ACSL4: variants seen among roughly 807,000 people sequenced by gnomAD.
ACSL4 encodes long-chain-fatty-acid--CoA ligase 4.
A neutral mutation model predicts 49.1 loss-of-function variants in ACSL4; 9 were observed. The observed-to-expected ratio is 0.18, with a 90% CI of 0.11 to 0.32. The LOEUF is 0.32. ACSL4 is among the 10% of genes least tolerant of loss of function. The pLI is 1.00. For missense variants in ACSL4, 333 were observed against 493.7 expected (o/e 0.67, Z 3.08); for synonymous variants, 191 against 170.3 (o/e 1.12, Z -0.95).
intron 2 of ACSL4, among the ~76,000 whole-genome samples, chrX:109,690,594 C>T (rs1209979093): frequency 9.0e-6 from 1 of 110,911 alleles, no homozygotes; most frequent in Non-Finnish European, 1.9e-5. Flanking sequence ...AGTAGAGATT[C>T]GAACCAGGTC....
intron 1 of ACSL4, among the ~76,000 whole-genome samples, chrX:109,723,000 ACT>A (rs1927679761): frequency 8.9e-6 from 1 of 112,033 alleles, no homozygotes; most frequent in Admixed American, 9.5e-5. Context: ...GTATGAAATT[ACT>A]GTTTTTATTC....
intron 1 of ACSL4, among the ~76,000 whole-genome samples, chrX:109,717,323 CG>C (rs1927196436): frequency 9.1e-6 from 1 of 109,846 alleles, no homozygotes; most frequent in Non-Finnish European, 1.9e-5. Flanking sequence ...GGTGAAACCC[CG>C]TCTCTACTAA....
intron 1 of ACSL4, among the ~76,000 whole-genome samples, chrX:109,722,422 TAC>T (rs1050645817): frequency 8.9e-6 from 1 of 112,046 alleles, no homozygotes; most frequent in Non-Finnish European, 1.9e-5. Flanking sequence ...AGAATACAAC[TAC>T]ACACACCTCT....
At position 109,668,196 on chromosome X, in the gene ACSL4, G is replaced by C. The variant is rs1296897947; in HGVS notation, c.1220C>G (p.Pro407Arg). Residue 407 changes from proline (P) to arginine (R), a missense_variant, in exon 11 of 16, where the codon CCT (proline) becomes CGT (arginine). Pro to Arg is a moderately radical substitution (Grantham distance 103). This residue lies in a region of ACSL4 where 175 missense variants were observed against 275.8 expected (regional missense o/e 0.63). Coordinates refer to ENST00000672401, the MANE Select transcript of ACSL4 (RefSeq NM_001318510.2). ...GACATTCATGAATCGGTGTGTCTGA[G>C]GAGATAGCGGGGCCCCTCCAGACAG... Reference protein sequence around the residue: ...MMLSGGAPLSPQTHRFMNVCF... With the variant: ...MMLSGGAPLSRQTHRFMNVCF... The C allele has an allele frequency of 8.3e-7, 1 of 1,210,266 alleles. No homozygotes were observed. The highest frequency in any genetic ancestry group is 2.2e-5 in the Admixed American group (1 of 46,035).
At chrX:109,656,227 G>A (rs1921633135) in intron 15 of ACSL4, among the ~76,000 whole-genome samples, 1 of 110,898 alleles carries the variant, frequency 9.0e-6, no homozygotes, top group Non-Finnish European at 1.9e-5. Context: ...CTGTATTAGG[G>A]AGAATTTTTA....
At position 109,641,842 on chromosome X, in the gene ACSL4, G is replaced by T. The variant is rs1934452958; in HGVS notation, c.*2187C>A. 8.9e-6 allele frequency: 1 copy of T among 112,777 alleles called. No individual in the cohort carries two copies. The highest frequency in any genetic ancestry group is 1.9e-5 in the Non-Finnish European group (1 of 53,226). 9.3% of individuals were successfully genotyped at this position (112,777 alleles called of 1,213,427 possible). ...AGTAAATTTTTAAAGTACAACTTTA[G>T]TTGATGGCTGATGTGTATGTAATAA... On this transcript the variant is annotated 3_prime_UTR_variant, in exon 16 of 16. Transcript: ENST00000672401.
intron 2 of ACSL4, among the ~76,000 whole-genome samples, chrX:109,693,756 C>T (rs1392761553): frequency 8.9e-6 from 1 of 111,853 alleles, no homozygotes; most frequent in Non-Finnish European, 1.9e-5. Flanking sequence ...TGATGGGGGG[C>T]CTCCAAAGTG....
intron 6 of ACSL4, among the ~76,000 whole-genome samples, chrX:109,680,533 A>G (rs747584136): frequency 8.9e-6 from 1 of 112,774 alleles, no homozygotes; most frequent in South Asian, 3.6e-4. Context: ...CTTGTTTCAA[A>G]TGAAATACCA....
At chrX:109,707,138 T>C (rs1011241765) in intron 1 of ACSL4, among the ~76,000 whole-genome samples, 1 of 112,035 alleles carries the variant, frequency 8.9e-6, no homozygotes, top group African/African-American at 3.2e-5. Context: ...AGAGTTAAAA[T>C]ATGGTCCGTT....
intron 8 of ACSL4, among the ~76,000 whole-genome samples, chrX:109,675,046 C>T (rs1290163093): frequency 8.9e-6 from 1 of 112,297 alleles, no homozygotes. Context: ...AACTAAGTTG[C>T]CTTTCTCCTA....
intron 2 of ACSL4, among the ~76,000 whole-genome samples, chrX:109,690,230 CA>C (rs1924937497): frequency 8.9e-6 from 1 of 112,415 alleles, no homozygotes; most frequent in African/African-American, 3.2e-5. Flanking sequence ...ATAATTTTCA[CA>C]AAGGTATGCT....
At chrX:109,673,217 A>C (rs1455000563) in intron 9 of ACSL4, among the ~76,000 whole-genome samples, 1 of 111,747 alleles carries the variant, frequency 8.9e-6, no homozygotes, top group Non-Finnish European at 1.9e-5. Flanking sequence ...AACAGTCCTA[A>C]ATAGACAGCC....
intron 2 of ACSL4, among the ~76,000 whole-genome samples, chrX:109,685,088 CTTTTTTTTTTTT>C (rs1203140186): frequency 1.3e-5 from 1 of 77,445 alleles, no homozygotes; most frequent in Non-Finnish European, 2.5e-5. Context: ...TCTTTTCTTT[CTTTTTTTTTTTT>C]TTTTTTTTTT....
At chrX:109,652,177 C>T (rs888587233) in intron 15 of ACSL4, among the ~76,000 whole-genome samples, 2 of 111,860 alleles carry the variant, frequency 1.8e-5, no homozygotes, top group Non-Finnish European at 3.8e-5. Context: ...AAGAGGCCTG[C>T]TATGAAAGAT....
intron 14 of ACSL4, among the ~76,000 whole-genome samples, chrX:109,660,576 T>G (rs1434857113): frequency 8.9e-6 from 1 of 111,738 alleles, no homozygotes; most frequent in Non-Finnish European, 1.9e-5. Flanking sequence ...CAATTCTAAA[T>G]CTAGGTATCT....
Position 109,685,049 on chromosome X carries a change from G to A in ACSL4, c.-12-1674C>T, listed in dbSNP as rs943781271. On this transcript the variant is annotated intron_variant, in intron 2 of 15. Coordinates refer to ENST00000672401, the MANE Select transcript of ACSL4 (RefSeq NM_001318510.2). ...AAAACAGTGCCATTGGAAAGAAACC[G>A]CAGAAACAGGCTCAAGAATAGTAAT... Among the ~76,000 whole-genome samples the A allele has an allele frequency of 9.2e-5, 10 of 108,298 alleles. No homozygotes were observed. In the East Asian group the frequency reaches 1.1e-3, roughly 12 times the overall value. 94.0% of individuals were successfully genotyped at this position (108,298 alleles called of 115,157 possible). A position where few individuals can be genotyped will look rare whatever the true frequency, so the allele number is the denominator to read the frequency against.
At chrX:109,702,492 G>C (rs1194730708) in intron 1 of ACSL4, among the ~76,000 whole-genome samples, 2 of 112,179 alleles carry the variant, frequency 1.8e-5, no homozygotes, top group African/African-American at 6.5e-5. Context: ...AAAAGGGTAT[G>C]ATCATTTTAT....
intron 15 of ACSL4, among the ~76,000 whole-genome samples, chrX:109,653,495 C>T (rs962234798): frequency 2.7e-5 from 3 of 111,456 alleles, no homozygotes; most frequent in Non-Finnish European, 5.6e-5. Context: ...GCTATAAAGA[C>T]ACATGCACAC....
At chrX:109,645,611 G>A (rs1283941473) in intron 15 of ACSL4, among the ~76,000 whole-genome samples, 1 of 112,298 alleles carries the variant, frequency 8.9e-6, no homozygotes, top group Non-Finnish European at 1.9e-5. Flanking sequence ...AAAAAGCAGA[G>A]CGCCTCTCCT....
Sources: allele counts gnomAD v4.1 joint callset (sites outside exome capture counted in the v4.1 genomes callset), GRCh38; gene constraint gnomAD v4.1.1; regional missense constraint gnomAD v4.1.1; transcripts MANE v1.5; gene names NCBI Gene and HGNC (gene_info 2026-07-23, HGNC 2026-07-21).